Variants in GLRA3 observed in about 807,000 individuals in gnomAD.
GLRA3 encodes the protein glycine receptor alpha 3, also known as glycine receptor subunit alpha-3.
In GLRA3, 44 loss-of-function variants were observed where a neutral mutation model predicts 60.4. The observed-to-expected ratio is 0.73, with a 90% CI of 0.57 to 0.94. The LOEUF (loss-of-function observed/expected upper bound fraction) is 0.94. Ranked by LOEUF, GLRA3 falls within the 40% of genes least tolerant of loss-of-function variation. GLRA3 has a pLI of 0.00. For synonymous variants in GLRA3, 223 were observed against 192.9 expected (o/e 1.16, Z -1.29); for missense variants, 508 against 564.6 (o/e 0.90, Z 1.02).
chr4:174,722,029 G>A (rs976112946), intron 4 of GLRA3, among the ~76,000 whole-genome samples: 3 of 151,916 alleles, frequency 2.0e-5, no homozygotes, highest in African/African-American at 7.3e-5. Context: ...TATCTATAAG[G>A]TATAATCTAT....
chr4:174,721,039 GTGTT>G (rs1736111528), intron 4 of GLRA3, among the ~76,000 whole-genome samples: 2 of 150,574 alleles, frequency 1.3e-5, no homozygotes, highest in African/African-American at 4.9e-5. Flanking sequence ...GTGTGTGTGT[GTGTT>G]TTTGAGATGG....
chr4:174,785,040 G>A (rs563553490), intron 2 of GLRA3, among the ~76,000 whole-genome samples: 1 of 152,102 alleles, frequency 6.6e-6, no homozygotes, highest in Non-Finnish European at 1.5e-5. Flanking sequence ...GGAAGAGGCT[G>A]TCTTATCCAT....
chr4:174,734,903 T>C (rs1736709388), intron 3 of GLRA3, among the ~76,000 whole-genome samples: 1 of 152,202 alleles, frequency 6.6e-6, no homozygotes, highest in Admixed American at 6.5e-5. Context: ...TCAATTAATA[T>C]AGCTCATTCA....
intron 4 of GLRA3, among the ~76,000 whole-genome samples, chr4:174,719,937 T>C (rs915269550): frequency 1.5e-4 from 23 of 151,922 alleles, no homozygotes; most frequent in African/African-American, 5.1e-4. Context: ...AATTAATGGC[T>C]ATCAATGTTA....
At chr4:174,777,617 T>C (rs1738652111) in intron 2 of GLRA3, among the ~76,000 whole-genome samples, 1 of 152,160 alleles carries the variant, frequency 6.6e-6, no homozygotes, top group Non-Finnish European at 1.5e-5. Context: ...TTCTGTATGA[T>C]ACAGTAATGA....
chr4:174,721,769 A>ATG (rs768218316), intron 4 of GLRA3, among the ~76,000 whole-genome samples: 29 of 150,704 alleles, frequency 1.9e-4, no homozygotes, highest in South Asian at 6.3e-4. Context: ...GTGTATATAT[A>ATG]TGTGTGTGTG....
chr4:174,706,271 C>A (rs886174086), intron 5 of GLRA3, among the ~76,000 whole-genome samples: 10 of 151,746 alleles, frequency 6.6e-5, no homozygotes, highest in African/African-American at 2.4e-4. Context: ...AATGGCCTGG[C>A]GGAATGATCC....
chr4:174,761,380 T>C (rs1381829722), intron 3 of GLRA3, among the ~76,000 whole-genome samples: 1 of 152,176 alleles, frequency 6.6e-6, no homozygotes, highest in African/African-American at 2.4e-5. Flanking sequence ...CTATCATTTG[T>C]ATGAAAATTG....
intron 1 of GLRA3, among the ~76,000 whole-genome samples, chr4:174,802,519 A>G (rs1029398922): frequency 5.9e-5 from 9 of 152,062 alleles, no homozygotes; most frequent in African/African-American, 2.2e-4. Flanking sequence ...GTGCATAGTT[A>G]CATTCCTTCC....
intron 8 of GLRA3, 99 bp downstream of exon 8, chr4:174,658,955 C>G (rs904106097): frequency 1.0e-6 from 1 of 962,444 alleles, no homozygotes; most frequent in Non-Finnish European, 1.6e-6. Flanking sequence ...ATTTCATCCC[C>G]AGTCCCAATT....
chr4:174,723,421 TC>T (rs1736204229), intron 4 of GLRA3, among the ~76,000 whole-genome samples: 1 of 152,084 alleles, frequency 6.6e-6, no homozygotes, highest in South Asian at 2.1e-4. Flanking sequence ...TGTTCAATGA[TC>T]AGGGAAATAC....
At chr4:174,694,590 TAAG>T (rs1164013934) in intron 5 of GLRA3, among the ~76,000 whole-genome samples, 4 of 152,142 alleles carry the variant, frequency 2.6e-5, no homozygotes, top group Admixed American at 2.0e-4. Context: ...AAGGCAGTGT[TAAG>T]AAGGACATTG....
At chr4:174,708,190 AAGAGT>A (rs1387305702) in intron 5 of GLRA3, among the ~76,000 whole-genome samples, 2 of 152,204 alleles carry the variant, frequency 1.3e-5, no homozygotes, top group African/African-American at 2.4e-5. Context: ...GAGCTTGGAT[AAGAGT>A]AGAGACTATT....
In GLRA3 at chr4:174,828,844, G is replaced by A; in HGVS notation, c.-33C>T. The A allele has an allele frequency of 1.4e-6, 2 of 1,423,560 alleles. No individual in the cohort carries two copies. The highest frequency in any genetic ancestry group is 2.0e-6 in the Non-Finnish European group (2 of 1,006,044). The allele number at this position is 1,423,560 out of a possible 1,614,324, so 88.2% of individuals were successfully genotyped here. A position where few individuals can be genotyped will look rare whatever the true frequency, so the allele number is the denominator to read the frequency against. The stretch of plus-strand genomic sequence containing the variant: ...AGAGATATTCACGATCCTGAAAATA[G>A]TCTTATCCAAGGCATGGGGAACCAG... On this transcript the variant is annotated 5_prime_UTR_variant, in exon 1 of 10. Coordinates refer to ENST00000274093, the MANE Select transcript of GLRA3 (RefSeq NM_006529.4).
At chr4:174,758,554 G>A (rs1029681311) in intron 3 of GLRA3, among the ~76,000 whole-genome samples, 10 of 152,086 alleles carry the variant, frequency 6.6e-5, no homozygotes, top group Non-Finnish European at 1.5e-5. Flanking sequence ...TAAATATAAT[G>A]TAGTATCCTG....
intron 5 of GLRA3, among the ~76,000 whole-genome samples, chr4:174,696,164 GC>G (rs1735045565): frequency 6.6e-6 from 1 of 151,516 alleles, no homozygotes; most frequent in African/African-American, 2.4e-5. Context: ...AAAAAATGAT[GC>G]TTTAAATTAA....
In GLRA3 at chr4:174,640,227, C is replaced by T. The variant is rs751910787; in HGVS notation, c.*3559G>A. 1 of 152,002 alleles carries T rather than the reference C, an allele frequency of 6.6e-6. No individual in the cohort carries two copies. Among genetic ancestry groups the T allele is most frequent in the Non-Finnish European group, 1.5e-5 (1 of 67,938 alleles). The allele number at this position is 152,002 out of a possible 1,614,324, so 9.4% of individuals were successfully genotyped here. ...AAGGATCATTAGATACATTTTTGTTCTCAGAGTTTTGTTCTTAGAGTGTTC... is the reference window on the plus strand; with the variant it reads ...AAGGATCATTAGATACATTTTTGTTTTCAGAGTTTTGTTCTTAGAGTGTTC... On this transcript the variant is annotated 3_prime_UTR_variant, in exon 10 of 10. Coordinates refer to ENST00000274093, the MANE Select transcript of GLRA3 (RefSeq NM_006529.4).
intron 5 of GLRA3, among the ~76,000 whole-genome samples, chr4:174,688,513 G>A (rs1734647900): frequency 6.6e-6 from 1 of 150,566 alleles, no homozygotes. Context: ...ATAGTATGTG[G>A]CCAGCATATA....
intron 4 of GLRA3, among the ~76,000 whole-genome samples, chr4:174,721,871 GTGTGTGTA>G (rs1736145909): frequency 7.5e-6 from 1 of 133,760 alleles, no homozygotes; most frequent in Admixed American, 7.5e-5. Flanking sequence ...GTGTGTATAT[GTGTGTGTA>G]TATATATATG....
Sources: allele counts gnomAD v4.1 joint callset (sites outside exome capture counted in the v4.1 genomes callset), GRCh38; gene constraint gnomAD v4.1.1; transcripts MANE v1.5; gene names NCBI Gene and HGNC (gene_info 2026-07-23, HGNC 2026-07-21).